TPST2: variants seen among roughly 807,000 people sequenced by gnomAD.
TPST2 encodes protein-tyrosine sulfotransferase 2.
A neutral mutation model predicts 27.8 loss-of-function variants in TPST2; 16 were observed. The ratio of observed to expected loss-of-function variants is 0.58; its 90% CI spans 0.39 to 0.88. The LOEUF is 0.88. TPST2 is among the 40% of genes least tolerant of loss of function. The pLI is 0.00. For synonymous variants in TPST2, 229 were observed against 231.7 expected, an observed-to-expected ratio of 0.99 and a Z score of 0.10; for missense variants, 464 against 543.1, an observed-to-expected ratio of 0.85 and a Z score of 1.45.
chr22:26,545,507 T>C (rs540146567), intron 1 of TPST2, among the ~76,000 whole-genome samples: 2 of 152,316 alleles, frequency 1.3e-5, no homozygotes, highest in South Asian at 2.1e-4. Flanking sequence ...GTCCTTACCA[T>C]TTAGGGTAGG....
intron 1 of TPST2, among the ~76,000 whole-genome samples, chr22:26,580,295 A>G (rs1417272084): frequency 6.6e-6 from 1 of 152,212 alleles, no homozygotes; most frequent in Non-Finnish European, 1.5e-5. Flanking sequence ...AGAGATGAGC[A>G]CTAGCAGCAG....
In TPST2 at chr22:26,541,254, G is replaced by A. The variant is rs1925798127; in HGVS notation, c.377C>T (p.Ala126Val). 3.2e-6 allele frequency: 5 copies of A among 1,540,926 alleles called. No individual in the cohort carries two copies. Among genetic ancestry groups the A allele is most frequent in the East Asian group, 2.3e-5 (1 of 44,180 alleles). Residue 126 changes from alanine to valine, a missense_variant, in exon 3 of 7, where the codon GCG (alanine) becomes GTG (valine). Physicochemically the swap from Ala to Val is moderately conservative, Grantham distance 64. Coordinates refer to ENST00000338754, the MANE Select transcript of TPST2 (RefSeq NM_003595.5). This position sits in a 1 kb window ranked among gnomAD's most constrained non-coding sequence, Gnocchi z 5.9. ...SGREKLRLDE[A>V]GVTDEVLDAA... The stretch of plus-strand genomic sequence containing the variant: ...GTCCAGCACCTCATCCGTCACCCCC[G>A]CCTCATCCAGCCGCAGCTTCTCACG...
chr22:26,565,228 G>C (rs754150767), intron 1 of TPST2: 3 of 152,504 alleles, frequency 2.0e-5, no homozygotes, highest in African/African-American at 7.2e-5. Context: ...TCAAACCTGA[G>C]AGCGGTACAG....
intron 6 of TPST2, 31 bp from the exon 7 acceptor site, chr22:26,526,298 G>A (rs1022781240): frequency 6.6e-6 from 1 of 152,230 alleles, no homozygotes; most frequent in Non-Finnish European, 1.5e-5. Flanking sequence ...GTTAGGCTCA[G>A]AGTAACAATT....
chr22:26,571,912 C>T (rs762897747), intron 1 of TPST2, among the ~76,000 whole-genome samples: 3 of 152,220 alleles, frequency 2.0e-5, no homozygotes, highest in Non-Finnish European at 2.9e-5. Context: ...CAAGTCCCCA[C>T]TGTCCGCCAC....
At chr22:26,581,047 C>T (rs1928089089) in intron 1 of TPST2, among the ~76,000 whole-genome samples, 1 of 67,246 alleles carries the variant, frequency 1.5e-5, no homozygotes, top group Non-Finnish European at 3.6e-5. Flanking sequence ...CACACACACA[C>T]ACACACGCAC....
At chr22:26,577,224 C>T (rs1445888219) in intron 1 of TPST2, among the ~76,000 whole-genome samples, 1 of 149,560 alleles carries the variant, frequency 6.7e-6, no homozygotes, top group Non-Finnish European at 1.5e-5. Context: ...ATGATCATGC[C>T]ACCGCAATCC....
chr22:26,583,454 A>AT (rs1335709865), intron 1 of TPST2, among the ~76,000 whole-genome samples: 1 of 150,524 alleles, frequency 6.6e-6, no homozygotes, highest in African/African-American at 2.4e-5. Flanking sequence ...AAAAAAAAAA[A>AT]AATGCCTTGA....
At chr22:26,570,193 T>C (rs548558697) in intron 1 of TPST2, among the ~76,000 whole-genome samples, 18 of 152,214 alleles carry the variant, frequency 1.2e-4, no homozygotes, top group Middle Eastern at 3.4e-3. Context: ...CACTTTTTTT[T>C]CCCGGCTGCT....
At chr22:26,543,527 G>A (rs918360987) in intron 2 of TPST2, among the ~76,000 whole-genome samples, 2 of 151,982 alleles carry the variant, frequency 1.3e-5, no homozygotes, top group East Asian at 1.9e-4. Context: ...GGCTGGTCTC[G>A]AACTCCTGAC....
chr22:26,530,009 G>A (rs1392393967), intron 5 of TPST2, among the ~76,000 whole-genome samples: 2 of 152,208 alleles, frequency 1.3e-5, no homozygotes, highest in Non-Finnish European at 2.9e-5. Flanking sequence ...GCCAGAATTA[G>A]TGAGCACTAA....
At chr22:26,574,716 T>C (rs1399883888) in intron 1 of TPST2, among the ~76,000 whole-genome samples, 1 of 152,186 alleles carries the variant, frequency 6.6e-6, no homozygotes, top group African/African-American at 2.4e-5. Context: ...AGTGAGCAAC[T>C]GCATCCTTGC....
At chr22:26,526,341 T>C (rs2147167677) in intron 6 of TPST2, 74 bp from the exon 7 acceptor site, 1 of 152,372 alleles carries the variant, frequency 6.6e-6, no homozygotes, top group East Asian at 1.9e-4. Flanking sequence ...ATACATGTGA[T>C]TGCAGAACAT....
In TPST2 at chr22:26,558,474, G is replaced by A. The variant is rs1352327785; in HGVS notation, c.-160-13799C>T. Among the ~76,000 whole-genome samples, 4 of 152,192 alleles carry A rather than the reference G, an allele frequency of 2.6e-5. No homozygotes were observed. In the East Asian group the frequency reaches 7.7e-4, roughly 29 times the overall value. Reference sequence around the variant, plus strand: ...AACAAAACAAAAAAATTAAAAAGGAGGGAGATGGGAGAGAAGGGAGAAAGC... The same window carrying A: ...AACAAAACAAAAAAATTAAAAAGGAAGGAGATGGGAGAGAAGGGAGAAAGC... On this transcript the variant is annotated intron_variant, in intron 1 of 6. Coordinates refer to ENST00000338754, the MANE Select transcript of TPST2 (RefSeq NM_003595.5).
Position 26,540,964 on chromosome 22 carries a change from C to CGTACATCT in TPST2, c.666_667insAGATGTAC (p.Ala223ArgfsTer9). The CGTACATCT allele has an allele frequency of 6.2e-7, 1 of 1,614,162 alleles. No individual in the cohort carries two copies. The highest frequency in any genetic ancestry group is 1.3e-5 in the African/African-American group (1 of 75,060). Reference sequence around the variant, plus strand: ...TCCTTGCCTACCTCCATGCACTGGGCGTACATCACCTCGATGGCCTTGTTC... The same window carrying CGTACATCT: ...TCCTTGCCTACCTCCATGCACTGGGCGTACATCTGTACATCACCTCGATGGCCTTGTTC... On this transcript the variant is annotated frameshift_variant, in exon 3 of 7. Transcript: ENST00000338754. LOFTEE classifies it high-confidence loss of function.
intron 3 of TPST2, among the ~76,000 whole-genome samples, chr22:26,537,424 G>C (rs1413107895): frequency 6.6e-6 from 1 of 152,180 alleles, no homozygotes; most frequent in African/African-American, 2.4e-5. Context: ...TTAATACAAA[G>C]AAAGTGCTTA....
At chr22:26,538,206 G>A (rs1398821803) in intron 3 of TPST2, among the ~76,000 whole-genome samples, 1 of 152,224 alleles carries the variant, frequency 6.6e-6, no homozygotes, top group Non-Finnish European at 1.5e-5. Context: ...AGACAAGACC[G>A]GGCGTGAGGT....
intron 1 of TPST2, among the ~76,000 whole-genome samples, chr22:26,569,537 C>T (rs554223572): frequency 6.6e-6 from 1 of 152,286 alleles, no homozygotes; most frequent in African/African-American, 2.4e-5. Context: ...CACACCAACA[C>T]TTTGGGAGGC....
At chr22:26,571,817 C>T (rs879704894) in intron 1 of TPST2, among the ~76,000 whole-genome samples, 4 of 152,194 alleles carry the variant, frequency 2.6e-5, no homozygotes, top group Non-Finnish European at 4.4e-5. Context: ...CCATGAACCC[C>T]TGATCCAATC....
Sources: allele counts gnomAD v4.1 joint callset (sites outside exome capture counted in the v4.1 genomes callset), GRCh38; gene constraint gnomAD v4.1.1; non-coding constraint Gnocchi (gnomAD v3.1); transcripts MANE v1.5; gene names NCBI Gene and HGNC (gene_info 2026-07-23, HGNC 2026-07-21).